Variants in PPP2R5A observed in about 807,000 individuals in gnomAD.
The protein encoded by PPP2R5A is serine/threonine-protein phosphatase 2A 56 kDa regulatory subunit alpha isoform.
PPP2R5A carries 25 observed loss-of-function variants against 64.2 expected under a neutral mutation model. The ratio of observed to expected loss-of-function variants is 0.39; its 90% CI spans 0.28 to 0.54. The LOEUF is 0.54. Among genes scored for constraint, PPP2R5A ranks in the 20% least tolerant of loss-of-function variants. PPP2R5A has a pLI of 0.67. For synonymous variants in PPP2R5A, 198 were observed against 201.2 expected (o/e 0.98, Z 0.13); for missense variants, 425 against 576.3 (o/e 0.74, Z 2.69).
At chr1:212,333,724 T>A (rs1168859917) in intron 3 of PPP2R5A, 126 bp downstream of exon 3, 1 of 503,412 alleles carries the variant, frequency 2.0e-6, no homozygotes, top group African/African-American at 2.0e-5. Context: ...ATTAACATTA[T>A]CTTCTTTCAT....
intron 1 of PPP2R5A, among the ~76,000 whole-genome samples, chr1:212,312,055 G>C (rs759334179): frequency 6.6e-6 from 1 of 152,142 alleles, no homozygotes; most frequent in African/African-American, 2.4e-5. Context: ...AGTCTTGTAA[G>C]CTCTATTCAT....
At chr1:212,306,779 A>C (rs1658923174) in intron 1 of PPP2R5A, 1 of 113,508 alleles carries the variant, frequency 8.8e-6, no homozygotes, top group South Asian at 2.5e-4. Flanking sequence ...ATTTATTGAA[A>C]CAGAATCTTC....
intron 1 of PPP2R5A, among the ~76,000 whole-genome samples, chr1:212,314,539 G>C (rs988388603): frequency 9.3e-5 from 14 of 150,660 alleles, no homozygotes; most frequent in African/African-American, 3.5e-4. Context: ...GGAACTACAG[G>C]TGTGTGCCAC....
intron 2 of PPP2R5A, chr1:212,331,587 G>A (rs958371901): frequency 6.6e-6 from 1 of 152,026 alleles, no homozygotes; most frequent in African/African-American, 2.4e-5. Context: ...AATATTGATG[G>A]ACTTCTTCAA....
chr1:212,286,788 C>T (rs1658512415), intron 1 of PPP2R5A, among the ~76,000 whole-genome samples: 1 of 152,114 alleles, frequency 6.6e-6, no homozygotes, highest in Admixed American at 6.6e-5. Context: ...CATTGATTGC[C>T]CCTAAGAGTC....
At chr1:212,296,209 G>C (rs1041636935) in intron 1 of PPP2R5A, among the ~76,000 whole-genome samples, 1 of 151,994 alleles carries the variant, frequency 6.6e-6, no homozygotes, top group East Asian at 1.9e-4. Context: ...TCCCACCACC[G>C]AGAAAGGAGT....
Position 212,345,596 on chromosome 1 carries a change from T to C in PPP2R5A, c.574-207T>C, listed in dbSNP as rs376670950. ...TTGAAATATTTATATTTATTGTAAA[T>C]GTCATATTTTGAAGTGAAATAAGTG... On this transcript the variant is annotated intron_variant, in intron 4 of 12. Transcript: ENST00000261461. Among the ~76,000 whole-genome samples, 6 of 152,270 alleles carry C rather than the reference T, an allele frequency of 3.9e-5. No homozygotes were observed. The South Asian group carries it at 8.3e-4, about 21-fold the overall frequency.
chr1:212,330,349 C>G (rs770749110), intron 2 of PPP2R5A, among the ~76,000 whole-genome samples: 8 of 151,406 alleles, frequency 5.3e-5, no homozygotes, highest in Non-Finnish European at 8.8e-5. Context: ...GCCAGCATAG[C>G]AAGGACCCAT....
intron 6 of PPP2R5A, among the ~76,000 whole-genome samples, chr1:212,348,051 A>T (rs949859805): frequency 1.3e-5 from 2 of 152,220 alleles, no homozygotes; most frequent in African/African-American, 4.8e-5. Flanking sequence ...TACTTCAGAA[A>T]AATATTGAAC....
chr1:212,333,488 T>G lies in PPP2R5A; in HGVS notation c.379-9T>G. ...CAACAACGAACGTAAAATTATTTTT[T>G]CTTTACAGATCAGTGCTAACATCTT... is the stretch of plus-strand genomic sequence containing the variant. On this transcript the variant is annotated splice_polypyrimidine_tract_variant and intron_variant, in intron 2 of 12. Transcript: ENST00000261461. The G allele has an allele frequency of 6.8e-7, 1 of 1,476,880 alleles. No homozygotes were observed. The highest frequency in any genetic ancestry group is 9.1e-7 in the Non-Finnish European group (1 of 1,094,734). The allele number at this position is 1,476,880 out of a possible 1,614,324, so 91.5% of individuals were successfully genotyped here. A position where few individuals can be genotyped will look rare whatever the true frequency, so the allele number is the denominator to read the frequency against.
chr1:212,341,887 G>A (rs948750577), intron 3 of PPP2R5A, among the ~76,000 whole-genome samples: 2 of 151,962 alleles, frequency 1.3e-5, no homozygotes, highest in African/African-American at 4.8e-5. Context: ...ACAGACATAC[G>A]CCACCATGCC....
intron 1 of PPP2R5A, among the ~76,000 whole-genome samples, chr1:212,293,937 G>C (rs895709207): frequency 6.6e-6 from 1 of 152,112 alleles, no homozygotes; most frequent in South Asian, 2.1e-4. Flanking sequence ...TTTCATCAGA[G>C]AAGTTTTCTT....
chr1:212,353,073 A>G (rs1179361628), intron 8 of PPP2R5A: 2 of 430,884 alleles, frequency 4.6e-6, no homozygotes, highest in Non-Finnish European at 9.1e-6. Context: ...AGTGTTGGCC[A>G]GAAGTTGAGT....
chr1:212,319,871 T>A (rs1659233703), intron 1 of PPP2R5A, among the ~76,000 whole-genome samples: 1 of 151,546 alleles, frequency 6.6e-6, no homozygotes, highest in Non-Finnish European at 1.5e-5. Flanking sequence ...GATCCGCCCG[T>A]CTCAGCCTTC....
At position 212,303,436 on chromosome 1, in the gene PPP2R5A, T is replaced by C. The variant is rs111862158; in HGVS notation, c.181+17145T>C. Among the ~76,000 whole-genome samples the C allele has an allele frequency of 2.4e-3, 360 of 152,314 alleles. 3 individuals are homozygous for C. The highest frequency in any genetic ancestry group is 8.3e-3 in the African/African-American group (346 of 41,574). On this transcript the variant is annotated intron_variant, in intron 1 of 12. Transcript: ENST00000261461. ...TCCTTTGCCCACTTTTGAATTGTTA[T>C]TTGTCTTTTTATCGAGTTGTAAGAA...
At chr1:212,302,490 T>G (rs1658815863) in intron 1 of PPP2R5A, among the ~76,000 whole-genome samples, 1 of 152,232 alleles carries the variant, frequency 6.6e-6, no homozygotes, top group African/African-American at 2.4e-5. Flanking sequence ...TATTGGTCAG[T>G]GGCATTGCTG....
intron 12 of PPP2R5A, among the ~76,000 whole-genome samples, 167 bp from the exon 13 acceptor site, chr1:212,360,471 G>A (rs913716325): frequency 2.0e-5 from 3 of 152,188 alleles, no homozygotes; most frequent in African/African-American, 4.8e-5. Flanking sequence ...ATTTAGGAGA[G>A]TGACAAGAAG....
intron 1 of PPP2R5A, among the ~76,000 whole-genome samples, chr1:212,294,117 T>C (rs1347710100): frequency 6.6e-6 from 1 of 152,000 alleles, no homozygotes. Flanking sequence ...AAATTGTATA[T>C]TTTTTTTCAG....
chr1:212,326,667 A>G (rs1266049645), intron 1 of PPP2R5A, among the ~76,000 whole-genome samples: 2 of 152,234 alleles, frequency 1.3e-5, no homozygotes, highest in Non-Finnish European at 2.9e-5. Flanking sequence ...TGTCAATATT[A>G]CATGGATTCT....
Sources: gnomAD v4.1 joint callset for allele counts (sites outside exome capture counted in the v4.1 genomes callset) on GRCh38, gnomAD v4.1.1 for gene constraint, MANE v1.5 for transcripts, NCBI Gene and HGNC (gene_info 2026-07-23, HGNC 2026-07-21) for gene names.